ARAP2: variants seen among roughly 807,000 people sequenced by gnomAD.
ARAP2 encodes the protein ArfGAP with RhoGAP domain, ankyrin repeat and PH domain 2.
Under a neutral mutation model 194.5 loss-of-function variants are expected in ARAP2, and 148 were observed. The ratio of observed to expected loss-of-function variants is 0.76; its 90% confidence interval spans 0.67 to 0.87. The LOEUF is 0.87. Among genes scored for constraint, ARAP2 ranks in the 40% least tolerant of loss-of-function variants. The pLI is 0.00. For synonymous variants in ARAP2, 695 were observed against 683.5 expected, an observed-to-expected ratio of 1.02 and a Z score of -0.26; for missense variants, 2,128 against 1,989.7, an observed-to-expected ratio of 1.07 and a Z score of -1.32.
chr4:36,149,775 A>T lies in ARAP2; in HGVS notation c.2897+1125T>A, dbSNP rs143095233. ...TCAATTAATAATCAGTTTTGTTCAC[A>T]TCAAAAATCAAATCAGATTTACTAT... On this transcript the variant is annotated intron_variant, in intron 16 of 32. Transcript: ENST00000303965. Among the ~76,000 whole-genome samples the T allele has an allele frequency of 3.2e-3, 495 of 152,316 alleles. 3 individuals carry two copies. The highest frequency in any genetic ancestry group is 0.011 in the African/African-American group (473 of 41,584).
At position 36,107,608 on chromosome 4, in the gene ARAP2, CACCAGG is replaced by C. The variant is rs1237309246; in HGVS notation, c.4236_4241del (p.Tyr1412_Val1414delinsTer). ...TGTCAGCGGTTAAGAATCTCTTCAC[CACCAGG>C]TAAGCAGAGCCAGGTTCAGCTAATG... is the stretch of plus-strand genomic sequence containing the variant. On this transcript the variant is annotated stop_gained and inframe_deletion, in exon 27 of 33. Transcript: ENST00000303965. LOFTEE classifies it high-confidence loss of function. The C allele has an allele frequency of 6.2e-7, 1 of 1,610,658 alleles. No individual in the cohort carries two copies. The highest frequency in any genetic ancestry group is 8.5e-7 in the Non-Finnish European group (1 of 1,178,132).
Position 36,210,694 on chromosome 4 carries a change from T to C in ARAP2, c.1183A>G (p.Ile395Val). The C allele has an allele frequency of 1.9e-6, 3 of 1,612,144 alleles. No individual in the cohort carries two copies. Among genetic ancestry groups the C allele is most frequent in the Non-Finnish European group, 2.5e-6 (3 of 1,179,470 alleles). Residue 395 changes from isoleucine to valine, a missense_variant, in exon 6 of 33, where the codon ATT becomes GTT. Physicochemically the swap from Ile to Val is conservative, Grantham distance 29 (BLOSUM62 3). Transcript: ENST00000303965. ...EKISEDKVED[I>V]WIPREDKNNF... ...TTTTTGTCCTCTCGAGGTATCCAAA[T>C]ATCTTCCACCTTGTCCTCGCTTATT... is the stretch of plus-strand genomic sequence containing the variant.
At chr4:36,217,857 G>C (rs1056687001) in intron 2 of ARAP2, among the ~76,000 whole-genome samples, 3 of 150,148 alleles carry the variant, frequency 2.0e-5, no homozygotes, top group Non-Finnish European at 4.4e-5. Flanking sequence ...GATAATACTA[G>C]ATAATACTAG....
At chr4:36,235,505 T>C (rs1463612936) in intron 1 of ARAP2, among the ~76,000 whole-genome samples, 2 of 152,230 alleles carry the variant, frequency 1.3e-5, no homozygotes, top group Admixed American at 6.5e-5. Context: ...CCCTCCCTAA[T>C]CTATGCTATA....
intron 19 of ARAP2, among the ~76,000 whole-genome samples, chr4:36,139,721 C>A (rs1411500031): frequency 6.6e-6 from 1 of 151,562 alleles, no homozygotes; most frequent in African/African-American, 2.4e-5. Context: ...CTCCATCACA[C>A]AAATTTGATG....
Position 36,151,063 on chromosome 4 carries a change from A to G in ARAP2, c.2753-19T>C, listed in dbSNP as rs1394157004. 1 of 1,576,010 alleles carries G rather than the reference A, an allele frequency of 6.3e-7. No homozygotes were observed. Among genetic ancestry groups the G allele is most frequent in the East Asian group, 2.3e-5 (1 of 44,190 alleles). On this transcript the variant is annotated intron_variant, in intron 15 of 32. Transcript: ENST00000303965. ...TTTGTCTCTAAGAATTTGAAACAAA[A>G]CAAATAACAAATTGAGCTAATCACG...
chr4:36,178,724 C>T (rs149286637), intron 8 of ARAP2, among the ~76,000 whole-genome samples: 68 of 152,170 alleles, frequency 4.5e-4, no homozygotes, highest in African/African-American at 1.5e-3. Context: ...GTAGTATAAA[C>T]GTCATATAAA....
chr4:36,165,542 TG>T (rs771126063), intron 10 of ARAP2, among the ~76,000 whole-genome samples: 1 of 152,056 alleles, frequency 6.6e-6, no homozygotes, highest in Non-Finnish European at 1.5e-5. Flanking sequence ...CCACCAGAAT[TG>T]TGACTTTTTT....
intron 28 of ARAP2, among the ~76,000 whole-genome samples, chr4:36,087,903 T>C (rs1339233554): frequency 6.6e-6 from 1 of 152,110 alleles, no homozygotes; most frequent in Non-Finnish European, 1.5e-5. Context: ...GTATGTGATT[T>C]TGGACAAGTT....
intron 28 of ARAP2, among the ~76,000 whole-genome samples, chr4:36,091,118 G>A (rs1014506001): frequency 4.6e-5 from 7 of 152,054 alleles, no homozygotes; most frequent in Admixed American, 4.6e-4. Context: ...ACATACTGGT[G>A]TAACCTGCAC....
chr4:36,151,087 C>A, intron 15 of ARAP2, 43 bp from the exon 16 acceptor site: 1 of 1,528,018 alleles, frequency 6.5e-7, no homozygotes, highest in Non-Finnish European at 8.8e-7. Context: ...GAGCTAATCA[C>A]GAATCCAATT....
chr4:36,102,413 C>A (rs1474453575), intron 27 of ARAP2, among the ~76,000 whole-genome samples: 1 of 151,950 alleles, frequency 6.6e-6, no homozygotes, highest in Non-Finnish European at 1.5e-5. Flanking sequence ...AGTTGGCAGT[C>A]CTCTAAAATT....
At chr4:36,101,517 G>C (rs1577884953) in intron 27 of ARAP2, among the ~76,000 whole-genome samples, 1 of 151,278 alleles carries the variant, frequency 6.6e-6, no homozygotes, top group Non-Finnish European at 1.5e-5. Flanking sequence ...ATATAATTTA[G>C]TGTGATATAT....
At chr4:36,145,071 A>C (rs1227623165) in intron 19 of ARAP2, among the ~76,000 whole-genome samples, 1 of 151,936 alleles carries the variant, frequency 6.6e-6, no homozygotes, top group African/African-American at 2.4e-5. Flanking sequence ...AAATTACAAG[A>C]AGCCAAGGGG....
At chr4:36,197,313 C>T (rs899105625) in intron 6 of ARAP2, among the ~76,000 whole-genome samples, 3 of 152,124 alleles carry the variant, frequency 2.0e-5, no homozygotes, top group South Asian at 4.1e-4. Flanking sequence ...TAGTTCCTCA[C>T]GTACAGCGAA....
intron 1 of ARAP2, among the ~76,000 whole-genome samples, chr4:36,233,504 G>T (rs1751904752): frequency 6.6e-6 from 1 of 152,146 alleles, no homozygotes; most frequent in Non-Finnish European, 1.5e-5. Context: ...GCCCACCTGA[G>T]CCTAAGCTCA....
At chr4:36,064,219 T>C (rs1240221773), downstream of ARAP2, among the ~76,000 whole-genome samples, 1 of 151,602 alleles carries the variant, frequency 6.6e-6, no homozygotes, top group Non-Finnish European at 1.5e-5. Flanking sequence ...TTTTTTTTTT[T>C]TTCCTGTGAC....
intron 5 of ARAP2, among the ~76,000 whole-genome samples, chr4:36,035,166 C>G (rs1363810107): frequency 6.6e-6 from 1 of 151,980 alleles, no homozygotes; most frequent in Non-Finnish European, 1.5e-5. Context: ...GGTACCCACT[C>G]TTTTTTGTAC....
intron 19 of ARAP2, among the ~76,000 whole-genome samples, chr4:36,144,193 A>G (rs1407203443): frequency 6.6e-6 from 1 of 150,694 alleles, no homozygotes; most frequent in African/African-American, 2.4e-5. Flanking sequence ...CGTTGGTTAT[A>G]ATAACCTGAA....
Sources: gnomAD v4.1 joint callset for allele counts (sites outside exome capture counted in the v4.1 genomes callset) on GRCh38, gnomAD v4.1.1 for gene constraint, MANE v1.5 for transcripts, NCBI Gene and HGNC (gene_info 2026-07-23, HGNC 2026-07-21) for gene names.